Variants in FRMD4B observed in about 807,000 individuals in gnomAD.
The protein encoded by FRMD4B is FERM domain-containing protein 4B.
Under a neutral mutation model 141.5 loss-of-function variants are expected in FRMD4B, and 74 were observed. The ratio of observed to expected loss-of-function variants is 0.52; its 90% CI spans 0.43 to 0.63. FRMD4B has a LOEUF of 0.63. Ranked by LOEUF, FRMD4B falls within the 30% of genes least tolerant of loss-of-function variation. The pLI, the probability that FRMD4B is intolerant of heterozygous loss-of-function variation, is 0.00. For missense variants in FRMD4B, 1,366 were observed against 1,253.4 expected (o/e 1.09, Z -1.36); for synonymous variants, 506 against 467.9 (o/e 1.08, Z -1.05).
At chr3:69,516,141 C>T (rs1161127029) in intron 1 of FRMD4B, among the ~76,000 whole-genome samples, 3 of 152,260 alleles carry the variant, frequency 2.0e-5, no homozygotes, top group East Asian at 3.9e-4. Context: ...AGGAAGATTG[C>T]TTCAACCCAG....
chr3:69,251,097 T>C (rs1483124600), intron 5 of FRMD4B, among the ~76,000 whole-genome samples: 2 of 152,206 alleles, frequency 1.3e-5, no homozygotes, highest in African/African-American at 4.8e-5. Context: ...AGAGGTATCT[T>C]TATTTTAAAA....
At chr3:69,329,299 C>A (rs1702284618) in intron 1 of FRMD4B, among the ~76,000 whole-genome samples, 1 of 152,092 alleles carries the variant, frequency 6.6e-6, no homozygotes, top group African/African-American at 2.4e-5. Flanking sequence ...GTGCATAGAA[C>A]TTGGCGAACA....
chr3:69,276,645 G>A (rs563770908), intron 5 of FRMD4B, among the ~76,000 whole-genome samples: 24 of 152,222 alleles, frequency 1.6e-4, no homozygotes, highest in South Asian at 6.2e-4. Context: ...CCAGGTTCAC[G>A]CTCAGAAATG....
chr3:69,490,371 T>C lies in FRMD4B; in HGVS notation c.-129+51835A>G, dbSNP rs138623565. Among the ~76,000 whole-genome samples the C allele has an allele frequency of 3.9e-4, 59 of 152,360 alleles. 1 individual carries two copies. Among genetic ancestry groups the C allele is most frequent in the African/African-American group, 1.3e-3 (54 of 41,588 alleles). On this transcript the variant is annotated intron_variant, in intron 1 of 5. Transcript: ENST00000459638. ...AGATCTTTGCATCAGTTCTTCTTTT[T>C]GTCATGAATGCCTTGATTCTTTCTA...
At position 69,312,233 on chromosome 3, in the gene FRMD4B, G is replaced by T. The variant is rs113428876; in HGVS notation, c.229-876C>A. On this transcript the variant is annotated intron_variant, in intron 2 of 22. Transcript: ENST00000398540. ...TTGGAGGGACTGGGGAAGAAAAGGG[G>T]AATCCTTGCAGGAGGGCACTCTGGA... is the stretch of plus-strand genomic sequence containing the variant. Among the ~76,000 whole-genome samples, 301 of 152,296 alleles carry T rather than the reference G, an allele frequency of 2.0e-3. 3 individuals are homozygous for T. The highest frequency in any genetic ancestry group is 6.9e-3 in the African/African-American group (285 of 41,572).
chr3:69,477,761 A>T (rs1015479630), intron 1 of FRMD4B, among the ~76,000 whole-genome samples: 1 of 149,294 alleles, frequency 6.7e-6, no homozygotes, highest in Non-Finnish European at 1.5e-5. Context: ...GTTGATTGGA[A>T]TAGTTTCAGA....
At chr3:69,366,291 A>AT (rs796090402) in intron 1 of FRMD4B, among the ~76,000 whole-genome samples, 10 of 148,500 alleles carry the variant, frequency 6.7e-5, no homozygotes, top group African/African-American at 1.3e-4. Context: ...AAACAAAAAA[A>AT]ATTGACAACA....
intron 2 of FRMD4B, among the ~76,000 whole-genome samples, chr3:69,398,976 A>G (rs888654460): frequency 6.6e-6 from 1 of 152,232 alleles, no homozygotes; most frequent in African/African-American, 2.4e-5. Flanking sequence ...AAGGCAATGC[A>G]GTATAATCAG....
intron 1 of FRMD4B, among the ~76,000 whole-genome samples, chr3:69,473,673 T>C (rs1430862149): frequency 1.3e-5 from 2 of 152,184 alleles, no homozygotes; most frequent in African/African-American, 4.8e-5. Context: ...AATCCATCCA[T>C]GTGGGCATTC....
intron 5 of FRMD4B, among the ~76,000 whole-genome samples, chr3:69,267,210 T>C (rs183934523): frequency 6.6e-6 from 1 of 152,294 alleles, no homozygotes; most frequent in Admixed American, 6.5e-5. Flanking sequence ...GAAATCCATA[T>C]TTCACAAATT....
chr3:69,531,556 T>C (rs1204421119), intron 1 of FRMD4B, among the ~76,000 whole-genome samples: 1 of 152,234 alleles, frequency 6.6e-6, no homozygotes, highest in African/African-American at 2.4e-5. Context: ...AAACTGTACA[T>C]GGGGCGGAAA....
intron 2 of FRMD4B, among the ~76,000 whole-genome samples, chr3:69,429,666 T>C (rs1318953343): frequency 6.6e-6 from 1 of 151,744 alleles, no homozygotes; most frequent in Non-Finnish European, 1.5e-5. Flanking sequence ...GAGGACTTGC[T>C]GGTATGCAAC....
At chr3:69,350,038 C>T (rs1703083259) in intron 1 of FRMD4B, among the ~76,000 whole-genome samples, 1 of 152,086 alleles carries the variant, frequency 6.6e-6, no homozygotes, top group African/African-American at 2.4e-5. Context: ...GAACAGGCAA[C>T]CTATAGAATG....
chr3:69,276,862 G>A (rs1187991045), intron 5 of FRMD4B, among the ~76,000 whole-genome samples: 1 of 152,220 alleles, frequency 6.6e-6, no homozygotes, highest in Non-Finnish European at 1.5e-5. Flanking sequence ...CTACCTGGGA[G>A]GCTGAGGCAG....
intron 2 of FRMD4B, among the ~76,000 whole-genome samples, chr3:69,414,868 T>TG (rs1026728011): frequency 1.4e-5 from 2 of 147,786 alleles, no homozygotes; most frequent in Non-Finnish European, 3.0e-5. Context: ...GCTGTTTTTT[T>TG]TTTTTTTTTT....
intron 1 of FRMD4B, among the ~76,000 whole-genome samples, chr3:69,338,715 A>G (rs1476593586): frequency 6.6e-6 from 1 of 152,164 alleles, no homozygotes; most frequent in East Asian, 1.9e-4. Context: ...TGAGGATCAA[A>G]AATCTACCTG....
At chr3:69,390,409 T>C (rs1464473795), upstream of FRMD4B, among the ~76,000 whole-genome samples, 1 of 152,210 alleles carries the variant, frequency 6.6e-6, no homozygotes, top group Non-Finnish European at 1.5e-5. Context: ...CTCCCTCCCA[T>C]GCTGAGACAT....
At position 69,170,010 on chromosome 3, in the gene FRMD4B, C is replaced by A. The variant is rs145705169; in HGVS notation, c.*1851G>T. Reference sequence around the variant, plus strand: ...CCGCATTTCATCAATTCTAAGGCAACTTTATTGTAAGACACAGCATTATTT... The same window carrying A: ...CCGCATTTCATCAATTCTAAGGCAAATTTATTGTAAGACACAGCATTATTT... On this transcript the variant is annotated 3_prime_UTR_variant, in exon 23 of 23. Transcript: ENST00000398540. The A allele has an allele frequency of 6.6e-6, 1 of 152,302 alleles. No individual in the cohort carries two copies. The highest frequency in any genetic ancestry group is 1.9e-4 in the East Asian group (1 of 5,186). 9.4% of individuals were successfully genotyped at this position (152,302 alleles called of 1,614,324 possible).
intron 7 of FRMD4B, among the ~76,000 whole-genome samples, chr3:69,242,751 T>C (rs2093395325): frequency 6.6e-6 from 1 of 150,782 alleles, no homozygotes; most frequent in Non-Finnish European, 1.5e-5. Context: ...TCCCAGCACT[T>C]TGGGAGGCCG....
Sources: gnomAD v4.1 joint callset for allele counts (sites outside exome capture counted in the v4.1 genomes callset) on GRCh38, gnomAD v4.1.1 for gene constraint, MANE v1.5 for transcripts, NCBI Gene and HGNC (gene_info 2026-07-23, HGNC 2026-07-21) for gene names.